KCNIP4: variants seen among roughly 807,000 people sequenced by gnomAD.
KCNIP4 encodes potassium voltage-gated channel interacting protein 4.
KCNIP4 carries 12 observed loss-of-function variants against 34.0 expected under a neutral mutation model. The ratio of observed to expected loss-of-function variants is 0.35; its 90% CI spans 0.23 to 0.57. KCNIP4 has a LOEUF of 0.57. KCNIP4 is among the 20% of genes least tolerant of loss of function. The pLI, the probability that KCNIP4 is intolerant of heterozygous loss-of-function variation, is 0.83. For missense variants in KCNIP4, 238 were observed against 311.7 expected (o/e 0.76, Z 1.78); for synonymous variants, 124 against 102.2 (o/e 1.21, Z -1.29).
At chr4:21,393,919 A>T (rs959716470) in intron 1 of KCNIP4, among the ~76,000 whole-genome samples, 1 of 152,176 alleles carries the variant, frequency 6.6e-6, no homozygotes, top group Non-Finnish European at 1.5e-5. Flanking sequence ...CAGAATCTGT[A>T]TAAAAAATTT....
intron 1 of KCNIP4, among the ~76,000 whole-genome samples, chr4:21,156,407 A>T (rs1329308206): frequency 6.6e-6 from 1 of 152,202 alleles, no homozygotes; most frequent in African/African-American, 2.4e-5. Flanking sequence ...CTCTGCTCAA[A>T]GAGATTCTAG....
Position 20,802,101 on chromosome 4 carries a change from A to ATATATATATGC in KCNIP4, c.289-43222_289-43212dup, listed in dbSNP as rs200641591. Among the ~76,000 whole-genome samples, 619 of 118,278 alleles carry ATATATATATGC rather than the reference A, an allele frequency of 5.2e-3. 4 individuals carry two copies. The highest frequency in any genetic ancestry group is 9.0e-3 in the Middle Eastern group (2 of 222). The allele number at this position is 118,278 out of a possible 152,430, so 77.6% of individuals were successfully genotyped here. ...CTTAAAAATTGCATATACATATTGCATATATATATGCTATATATATGCTAT... is the reference window on the plus strand; with the variant it reads ...CTTAAAAATTGCATATACATATTGCATATATATATGCTATATATATGCTATATATATGCTAT... On this transcript the variant is annotated intron_variant, in intron 3 of 8. Coordinates refer to ENST00000382152, the MANE Select transcript of KCNIP4 (RefSeq NM_025221.6).
At chr4:21,070,945 A>T (rs1577637515) in intron 1 of KCNIP4, among the ~76,000 whole-genome samples, 1 of 151,854 alleles carries the variant, frequency 6.6e-6, no homozygotes, top group Admixed American at 6.6e-5. Flanking sequence ...AAAGTGCTGG[A>T]ATTACAGGCT....
intron 1 of KCNIP4, among the ~76,000 whole-genome samples, chr4:21,602,561 G>C (rs1403527057): frequency 2.0e-5 from 3 of 152,160 alleles, no homozygotes; most frequent in African/African-American, 7.2e-5. Flanking sequence ...TGTATAGAAA[G>C]ATACACACAC....
intron 1 of KCNIP4, among the ~76,000 whole-genome samples, chr4:21,390,248 A>G (rs1722442983): frequency 1.3e-5 from 2 of 152,118 alleles, no homozygotes; most frequent in African/African-American, 4.8e-5. Context: ...CCCATTCTAT[A>G]GGTTGCCTGT....
intron 1 of KCNIP4, among the ~76,000 whole-genome samples, chr4:21,863,265 T>TA: frequency 6.6e-6 from 1 of 151,762 alleles, no homozygotes. Context: ...ATTGAATTTT[T>TA]TTTTTTTTTT....
At chr4:21,857,499 G>A (rs1724832657) in intron 1 of KCNIP4, among the ~76,000 whole-genome samples, 1 of 152,048 alleles carries the variant, frequency 6.6e-6, no homozygotes, top group Non-Finnish European at 1.5e-5. Context: ...CTACCCACCA[G>A]GGTTTTCTCT....
At chr4:21,544,120 GC>G (rs1560504092) in intron 1 of KCNIP4, among the ~76,000 whole-genome samples, 1 of 151,948 alleles carries the variant, frequency 6.6e-6, no homozygotes, top group Non-Finnish European at 1.5e-5. Context: ...GTCTTTCCCA[GC>G]TTTTTGCATG....
chr4:21,940,388 T>C (rs1730136895), intron 1 of KCNIP4, among the ~76,000 whole-genome samples: 1 of 152,174 alleles, frequency 6.6e-6, no homozygotes, highest in Non-Finnish European at 1.5e-5. Flanking sequence ...GGAAGTAATT[T>C]TGCTTTTAAA....
At chr4:21,818,976 C>A (rs766118296) in intron 1 of KCNIP4, among the ~76,000 whole-genome samples, 4 of 152,156 alleles carry the variant, frequency 2.6e-5, no homozygotes, top group Non-Finnish European at 5.9e-5. Flanking sequence ...ACATCACATC[C>A]TTTCAAAATA....
At chr4:21,125,630 T>C (rs995095394) in intron 1 of KCNIP4, among the ~76,000 whole-genome samples, 1 of 152,104 alleles carries the variant, frequency 6.6e-6, no homozygotes, top group African/African-American at 2.4e-5. Flanking sequence ...TGACCGCACG[T>C]TGGGAACCAG....
At chr4:20,812,724 C>A (rs1316521914) in intron 3 of KCNIP4, among the ~76,000 whole-genome samples, 2 of 152,046 alleles carry the variant, frequency 1.3e-5, no homozygotes, top group Non-Finnish European at 2.9e-5. Context: ...GTATTTGCTT[C>A]ATGATATATA....
intron 1 of KCNIP4, among the ~76,000 whole-genome samples, chr4:21,282,382 G>A (rs964496608): frequency 4.0e-5 from 6 of 151,880 alleles, no homozygotes; most frequent in African/African-American, 1.5e-4. Context: ...TCTGAGTTCA[G>A]GACTGTGATC....
At chr4:21,730,483 G>A (rs149255539) in intron 1 of KCNIP4, among the ~76,000 whole-genome samples, 3 of 152,238 alleles carry the variant, frequency 2.0e-5, no homozygotes, top group Non-Finnish European at 4.4e-5. Flanking sequence ...TACTGGGCTG[G>A]TTCTGGCAAA....
chr4:21,251,752 T>G (rs1224851438), intron 1 of KCNIP4, among the ~76,000 whole-genome samples: 3 of 150,924 alleles, frequency 2.0e-5, no homozygotes, highest in Non-Finnish European at 2.9e-5. Context: ...CTCAGTAAAC[T>G]ATCACAAGAA....
In KCNIP4 at chr4:20,728,882, C is replaced by CTTTAGTAAT. The variant is rs1746878343; in HGVS notation, c.*1191_*1199dup. ...TACAAAACAGGGACGATGTGTGTGG[C>CTTTAGTAAT]TTTAGTAATGTGGCAACTTTACAGT... On this transcript the variant is annotated 3_prime_UTR_variant, in exon 9 of 9. Coordinates refer to ENST00000382152, the MANE Select transcript of KCNIP4 (RefSeq NM_025221.6). 6.6e-6 allele frequency: 1 copy of CTTTAGTAAT among 152,326 alleles called. No individual in the cohort carries two copies. The highest frequency in any genetic ancestry group is 6.6e-5 in the Admixed American group (1 of 15,244). 9.4% of individuals were successfully genotyped at this position (152,326 alleles called of 1,614,324 possible). A position where few individuals can be genotyped will look rare whatever the true frequency, so the allele number is the denominator to read the frequency against.
At chr4:21,058,742 C>T (rs945943961) in intron 1 of KCNIP4, among the ~76,000 whole-genome samples, 2 of 151,984 alleles carry the variant, frequency 1.3e-5, no homozygotes, top group Non-Finnish European at 2.9e-5. Context: ...ATAAGCTGTC[C>T]TATAACACTC....
intron 4 of KCNIP4, among the ~76,000 whole-genome samples, chr4:20,751,219 C>T (rs59979250): frequency 0.017 from 2,556 of 152,262 alleles, 64 homozygotes; most frequent in African/African-American, 0.059. Context: ...TTACCAGCAC[C>T]GTTTTCAGTG....
intron 1 of KCNIP4, among the ~76,000 whole-genome samples, chr4:20,990,010 A>G (rs1254894538): frequency 1.3e-5 from 2 of 152,204 alleles, no homozygotes; most frequent in Non-Finnish European, 2.9e-5. Flanking sequence ...TGGTAAAGCC[A>G]GATTGAGACC....
Sources: gnomAD v4.1 joint callset for allele counts (sites outside exome capture counted in the v4.1 genomes callset) on GRCh38, gnomAD v4.1.1 for gene constraint, MANE v1.5 for transcripts, NCBI Gene and HGNC (gene_info 2026-07-23, HGNC 2026-07-21) for gene names.